The following NFIA variants were observed in gnomAD, a reference collection of about 807,000 sequenced individuals.
The protein encoded by NFIA is nuclear factor 1 A-type.
A neutral mutation model predicts 62.8 loss-of-function variants in NFIA; 8 were observed. The observed-to-expected ratio is 0.13, with a 90% CI of 0.07 to 0.23. The LOEUF (loss-of-function observed/expected upper bound fraction) is 0.23, where lower values mean the gene tolerates loss of function less well. Ranked by LOEUF, NFIA falls within the 10% of genes least tolerant of loss-of-function variation. The pLI is 1.00. For missense variants in NFIA, 410 were observed against 642.1 expected (o/e 0.64, Z 3.91); for synonymous variants, 235 against 238.1 (o/e 0.99, Z 0.12).
chr1:61,365,282 A>G (rs553051228), intron 6 of NFIA, among the ~76,000 whole-genome samples: 39 of 152,224 alleles, frequency 2.6e-4, no homozygotes, highest in African/African-American at 8.2e-4. Flanking sequence ...TGTGCATGTT[A>G]CACTTTGCAA....
chr1:61,355,899 A>G (rs188313557), intron 5 of NFIA, among the ~76,000 whole-genome samples: 9 of 152,282 alleles, frequency 5.9e-5, no homozygotes, highest in Non-Finnish European at 8.8e-5. Context: ...TCTTTTGTCA[A>G]CTTCTGAAAA....
intron 6 of NFIA, among the ~76,000 whole-genome samples, chr1:61,369,760 T>A (rs960892398): frequency 1.1e-4 from 16 of 152,040 alleles, no homozygotes; most frequent in Non-Finnish European, 2.2e-4. Context: ...GGGCCACACA[T>A]TGTTCTAAGC....
At chr1:61,339,494 G>T (rs951472250) in intron 4 of NFIA, among the ~76,000 whole-genome samples, 3 of 152,050 alleles carry the variant, frequency 2.0e-5, no homozygotes, top group Admixed American at 6.6e-5. Flanking sequence ...TCATAGAGAG[G>T]TAAAATAATA....
chr1:61,333,078 C>T (rs1433303692), intron 4 of NFIA, among the ~76,000 whole-genome samples: 2 of 151,346 alleles, frequency 1.3e-5, no homozygotes, highest in African/African-American at 2.4e-5. Context: ...TACACACACA[C>T]ACACACACAC....
chr1:61,225,476 C>G (rs1238402763), intron 2 of NFIA, among the ~76,000 whole-genome samples: 1 of 150,654 alleles, frequency 6.6e-6, no homozygotes, highest in Non-Finnish European at 1.5e-5. Context: ...GTCTTGATCT[C>G]TTGACTTTGT....
chr1:61,369,204 A>G (rs891611811), intron 6 of NFIA, among the ~76,000 whole-genome samples: 1 of 152,220 alleles, frequency 6.6e-6, no homozygotes, highest in Non-Finnish European at 1.5e-5. Flanking sequence ...GAAGTCCTCA[A>G]GAAGTGCATA....
At chr1:61,353,378 G>A (rs528845339) in intron 5 of NFIA, among the ~76,000 whole-genome samples, 190 of 152,274 alleles carry the variant, frequency 1.2e-3, no homozygotes, top group Non-Finnish European at 2.3e-3. Context: ...TCAAAATGAA[G>A]CATTTTTGCA....
At chr1:61,348,018 A>C (rs1248950225) in intron 4 of NFIA, among the ~76,000 whole-genome samples, 1 of 152,202 alleles carries the variant, frequency 6.6e-6, no homozygotes, top group Admixed American at 6.5e-5. Context: ...TACAGTGCTT[A>C]TCAAAACATG....
chr1:61,196,636 A>G (rs1652020515), intron 2 of NFIA, among the ~76,000 whole-genome samples: 1 of 152,036 alleles, frequency 6.6e-6, no homozygotes, highest in African/African-American at 2.4e-5. Context: ...ACTGTGTGCA[A>G]ATGCATATTT....
intron 2 of NFIA, among the ~76,000 whole-genome samples, chr1:61,185,553 G>C (rs115879989): frequency 0.022 from 3,332 of 151,366 alleles, 48 homozygotes; most frequent in Non-Finnish European, 0.034. Context: ...TATGCATCTA[G>C]AATAAAATCC....
At chr1:61,217,610 G>T (rs1367390017) in intron 2 of NFIA, among the ~76,000 whole-genome samples, 1 of 152,200 alleles carries the variant, frequency 6.6e-6, no homozygotes, top group Non-Finnish European at 1.5e-5. Context: ...GCTGGATCTG[G>T]TTGGGAAAAG....
At chr1:61,354,746 A>G (rs1387212974) in intron 5 of NFIA, among the ~76,000 whole-genome samples, 2 of 152,176 alleles carry the variant, frequency 1.3e-5, no homozygotes, top group Admixed American at 6.5e-5. Flanking sequence ...TAGCATCTCT[A>G]TTCCTCCCTG....
intron 2 of NFIA, among the ~76,000 whole-genome samples, chr1:61,225,663 T>A (rs1332734849): frequency 6.6e-6 from 1 of 151,992 alleles, no homozygotes; most frequent in East Asian, 1.9e-4. Context: ...GATTGACATC[T>A]TCAGTACTTG....
At chr1:61,441,662 T>C (rs184447540) in intron 10 of NFIA, among the ~76,000 whole-genome samples, 42 of 152,318 alleles carry the variant, frequency 2.8e-4, no homozygotes, top group African/African-American at 1.0e-3. Flanking sequence ...TCTAGACAAA[T>C]ATTATGAAAT....
chr1:61,200,038 A>ACG (rs1652342398), intron 2 of NFIA, among the ~76,000 whole-genome samples: 1 of 46,988 alleles, frequency 2.1e-5, no homozygotes, highest in African/African-American at 1.1e-4. Context: ...ATATATATAT[A>ACG]TATATATATA....
At chr1:61,440,145 G>A (rs867954249) in intron 10 of NFIA, among the ~76,000 whole-genome samples, 10 of 152,100 alleles carry the variant, frequency 6.6e-5, no homozygotes, top group African/African-American at 2.4e-4. Context: ...GATTAGGATC[G>A]TGCTGCTCAA....
chr1:61,113,090 C>T (rs1032391089), intron 2 of NFIA, among the ~76,000 whole-genome samples: 2 of 151,966 alleles, frequency 1.3e-5, no homozygotes, highest in African/African-American at 4.8e-5. Flanking sequence ...TAATATATAG[C>T]TAATCCTAAT....
chr1:61,253,469 A>G (rs551674220), intron 2 of NFIA: 1 of 152,442 alleles, frequency 6.6e-6, no homozygotes, highest in South Asian at 2.1e-4. Flanking sequence ...TCAGAGGCTA[A>G]AGCATGGCTT....
At chr1:61,113,753 G>GAGAGA (rs386367104) in intron 2 of NFIA, among the ~76,000 whole-genome samples, 1 of 151,948 alleles carries the variant, frequency 6.6e-6, no homozygotes, top group African/African-American at 2.4e-5. Context: ...GGCCATGGTG[G>GAGAGA]AGAGAAGAGT....
Sources: gnomAD v4.1 joint callset for allele counts (sites outside exome capture counted in the v4.1 genomes callset) on GRCh38, gnomAD v4.1.1 for gene constraint, MANE v1.5 for transcripts, NCBI Gene and HGNC (gene_info 2026-07-23, HGNC 2026-07-21) for gene names.